PDE10A: variants seen among roughly 807,000 people sequenced by gnomAD.
PDE10A encodes cAMP and cAMP-inhibited cGMP 3',5'-cyclic phosphodiesterase 10A.
A neutral mutation model predicts 97.7 loss-of-function variants in PDE10A; 39 were observed. The ratio of observed to expected loss-of-function variants is 0.40; its 90% CI spans 0.31 to 0.52. The LOEUF (loss-of-function observed/expected upper bound fraction) is 0.52, where lower values mean the gene tolerates loss of function less well. PDE10A is among the 20% of genes least tolerant of loss of function. The pLI, the probability that PDE10A is intolerant of heterozygous loss-of-function variation, is 0.56. For synonymous variants in PDE10A, 371 were observed against 376.8 expected (o/e 0.98, Z 0.18); for missense variants, 731 against 1,047.8 (o/e 0.70, Z 4.17).
At chr6:165,471,331 G>A (rs1778992712) in intron 3 of PDE10A, among the ~76,000 whole-genome samples, 1 of 152,134 alleles carries the variant, frequency 6.6e-6, no homozygotes, top group South Asian at 2.1e-4. Flanking sequence ...ACACTCACCT[G>A]TCAAGTGATC....
rs563964312 is a variant in PDE10A at position 165,407,632 on chromosome 6, C to G, written c.2076+5869G>C. 3.3e-5 allele frequency among the ~76,000 whole-genome samples: 5 copies of G among 152,298 alleles called. No homozygotes were observed. In the South Asian group the frequency reaches 1.0e-3, roughly 32 times the overall value. ...GTTCAACCACTTATTCAATTTGTCC[C>G]TAACCAACTAATTTCATTTTAATAG... On this transcript the variant is annotated intron_variant, in intron 13 of 21. Transcript: ENST00000539869.
chr6:165,620,042 G>C (rs1788049922), intron 1 of PDE10A, among the ~76,000 whole-genome samples: 1 of 151,878 alleles, frequency 6.6e-6, no homozygotes, highest in Non-Finnish European at 1.5e-5. Context: ...AGAAGACTGT[G>C]TTTCAAGAAG....
intron 18 of PDE10A, among the ~76,000 whole-genome samples, chr6:165,350,722 A>G (rs1358056878): frequency 6.6e-6 from 1 of 152,132 alleles, no homozygotes; most frequent in Non-Finnish European, 1.5e-5. Flanking sequence ...TAATTGAAAC[A>G]TGGGGGCAGT....
At chr6:165,602,179 C>T (rs1786988416) in intron 1 of PDE10A, among the ~76,000 whole-genome samples, 1 of 152,176 alleles carries the variant, frequency 6.6e-6, no homozygotes, top group Non-Finnish European at 1.5e-5. Context: ...GTAAGGCACG[C>T]TGCAACCTCA....
intron 5 of PDE10A, among the ~76,000 whole-genome samples, chr6:165,447,284 C>T (rs1186174028): frequency 6.6e-6 from 1 of 152,218 alleles, no homozygotes; most frequent in East Asian, 1.9e-4. Context: ...AGAGACCAGC[C>T]TGTAGAGGCA....
intron 15 of PDE10A, among the ~76,000 whole-genome samples, chr6:165,394,892 G>A (rs1786025702): frequency 6.6e-6 from 1 of 152,022 alleles, no homozygotes; most frequent in Non-Finnish European, 1.5e-5. Context: ...GTCTCTTTCA[G>A]TTACCCAGCT....
chr6:165,972,685 T>C (rs1353371391), intron 1 of PDE10A, among the ~76,000 whole-genome samples: 1 of 152,176 alleles, frequency 6.6e-6, no homozygotes, highest in African/African-American at 2.4e-5. Flanking sequence ...CAAAGGAGGC[T>C]GAGAGCCCTT....
rs537063368 is a variant in PDE10A, at chr6:165,758,654, GGAGGAGGAA to G, written c.-614-215095_-614-215087del. ...AGAAGAAGAGGAAGAAGGAAGAGGA[GGAGGAGGAA>G]GAGGAGGAAGAGGAAGAAAGAAGGA... On this transcript the variant is annotated intron_variant, in intron 1 of 19. Transcript: ENST00000366882. Among the ~76,000 whole-genome samples, 210 of 150,296 alleles carry G rather than the reference GGAGGAGGAA, an allele frequency of 1.4e-3. 1 individual carries two copies. Among genetic ancestry groups the G allele is most frequent in the Non-Finnish European group, 2.4e-3 (159 of 67,334 alleles).
At chr6:165,406,067 GA>G (rs911339397) in intron 13 of PDE10A, among the ~76,000 whole-genome samples, 6 of 150,778 alleles carry the variant, frequency 4.0e-5, no homozygotes, top group African/African-American at 1.2e-4. Context: ...ACCAAAAGAA[GA>G]AAAAAAAAGA....
At chr6:165,476,849 G>A (rs995811234) in intron 3 of PDE10A, among the ~76,000 whole-genome samples, 2 of 151,970 alleles carry the variant, frequency 1.3e-5, no homozygotes, top group Non-Finnish European at 2.9e-5. Flanking sequence ...GAGCATTTTG[G>A]GGGTAAAGTC....
At chr6:165,832,677 A>T (rs1420204940) in intron 1 of PDE10A, among the ~76,000 whole-genome samples, 1 of 152,260 alleles carries the variant, frequency 6.6e-6, no homozygotes, top group East Asian at 1.9e-4. Context: ...GGATGAGCCC[A>T]GCTAGGAAAC....
At chr6:165,352,911 C>T (rs1309204862) in intron 18 of PDE10A, among the ~76,000 whole-genome samples, 1 of 152,086 alleles carries the variant, frequency 6.6e-6, no homozygotes, top group East Asian at 1.9e-4. Context: ...AGGCAAGCCA[C>T]AGACCGAGAG....
chr6:165,681,058 G>A lies in PDE10A; in HGVS notation c.-614-137490C>T, dbSNP rs562660740. 3.3e-5 allele frequency among the ~76,000 whole-genome samples: 5 copies of A among 152,260 alleles called. No individual in the cohort carries two copies. The South Asian group carries it at 6.2e-4, about 19-fold the overall frequency. On this transcript the variant is annotated intron_variant, in intron 1 of 19. Transcript: ENST00000366882. ...TACTTTGTAAATTGCATATGAAGAC[G>A]TCCTAGAAAGTATGTATAGGAGACT...
intron 3 of PDE10A, among the ~76,000 whole-genome samples, chr6:165,478,024 C>T (rs754711924): frequency 2.6e-5 from 4 of 152,184 alleles, no homozygotes; most frequent in African/African-American, 4.8e-5. Context: ...CCTACTCCCA[C>T]GGCCTTAAAC....
At chr6:165,845,245 G>A (rs947019303) in intron 1 of PDE10A, among the ~76,000 whole-genome samples, 1 of 152,226 alleles carries the variant, frequency 6.6e-6, no homozygotes, top group Admixed American at 6.5e-5. Flanking sequence ...CTCCAGACAT[G>A]AAAGTGGGAG....
chr6:165,434,475 T>C (rs1019366424), intron 6 of PDE10A, among the ~76,000 whole-genome samples: 13 of 152,198 alleles, frequency 8.5e-5, no homozygotes, highest in African/African-American at 2.9e-4. Flanking sequence ...AATGTCCACA[T>C]GTACTGTGGA....
chr6:165,763,621 C>T (rs1260805022), intron 1 of PDE10A, among the ~76,000 whole-genome samples: 1 of 152,194 alleles, frequency 6.6e-6, no homozygotes, highest in Non-Finnish European at 1.5e-5. Context: ...CTGTGCCCAG[C>T]CTTGAGATTC....
chr6:165,458,328 G>C lies in PDE10A; in HGVS notation c.1024-7966C>G, dbSNP rs546032887. ...ACTGTGATGCAATCAGGAGGTGGGA[G>C]CTTCAGGGGAGTGATTAGGTCAGGA... On this transcript the variant is annotated intron_variant, in intron 3 of 21. Coordinates refer to ENST00000539869, the MANE Select transcript of PDE10A (RefSeq NM_001385079.1). 3.8e-4 allele frequency among the ~76,000 whole-genome samples: 58 copies of C among 152,246 alleles called. No homozygotes were observed. The South Asian group carries it at 0.012, about 30-fold the overall frequency.
intron 2 of PDE10A, among the ~76,000 whole-genome samples, chr6:165,501,406 A>G (rs1453690431): frequency 6.6e-6 from 1 of 152,002 alleles, no homozygotes; most frequent in Admixed American, 6.6e-5. Flanking sequence ...CTAAAAATAC[A>G]AAAAATTAGC....
Sources: allele counts gnomAD v4.1 joint callset (sites outside exome capture counted in the v4.1 genomes callset), GRCh38; gene constraint gnomAD v4.1.1; transcripts MANE v1.5; gene names NCBI Gene and HGNC (gene_info 2026-07-23, HGNC 2026-07-21).